SPTY2D1: variants seen among roughly 807,000 people sequenced by gnomAD.
SPTY2D1 encodes the protein SPT2 chromatin protein domain containing 1.
In SPTY2D1, 21 loss-of-function variants were observed where a neutral mutation model predicts 64.0. That is an observed-to-expected ratio of 0.33 (90% confidence interval 0.23 to 0.47). SPTY2D1 has a LOEUF of 0.47. Ranked by LOEUF, SPTY2D1 falls within the 20% of genes least tolerant of loss-of-function variation. The pLI is 1.00. For missense variants in SPTY2D1, 724 were observed against 837.2 expected (o/e 0.86, Z 1.67); for synonymous variants, 287 against 286.8 (o/e 1.00, Z -0.01).
At position 18,608,545 on chromosome 11, in the gene SPTY2D1, G is replaced by A. The variant is rs1468814616; in HGVS notation, c.*1316C>T. The A allele has an allele frequency of 1.3e-5, 2 of 152,118 alleles. No homozygotes were observed. Among genetic ancestry groups the A allele is most frequent in the Non-Finnish European group, 2.9e-5 (2 of 68,034 alleles). The allele number at this position is 152,118 out of a possible 1,614,324, so 9.4% of individuals were successfully genotyped here. A position where few individuals can be genotyped will look rare whatever the true frequency, so the allele number is the denominator to read the frequency against. ...CAAGCTTATGTCTCACTTCCCCTAAGCCTCTGTACTTACAGTCAAGGACAA... is the reference window on the plus strand; with the variant it reads ...CAAGCTTATGTCTCACTTCCCCTAAACCTCTGTACTTACAGTCAAGGACAA... On this transcript the variant is annotated 3_prime_UTR_variant, in exon 6 of 6. Coordinates refer to ENST00000336349, the MANE Select transcript of SPTY2D1 (RefSeq NM_194285.3).
intron 3 of SPTY2D1, among the ~76,000 whole-genome samples, chr11:18,613,795 T>TC (rs1330874196): frequency 6.6e-6 from 1 of 152,118 alleles, no homozygotes; most frequent in Non-Finnish European, 1.5e-5. Context: ...GGACAGCAGA[T>TC]TCCTGAAGGA....
intron 1 of SPTY2D1, among the ~76,000 whole-genome samples, chr11:18,629,956 G>A (rs1170868833): frequency 6.7e-6 from 1 of 148,788 alleles, no homozygotes; most frequent in African/African-American, 2.5e-5. Context: ...GGATCACAAG[G>A]TCAGGAGATC....
intron 1 of SPTY2D1, among the ~76,000 whole-genome samples, chr11:18,620,007 G>A (rs557468624): frequency 6.6e-6 from 1 of 152,142 alleles, no homozygotes; most frequent in Non-Finnish European, 1.5e-5. Flanking sequence ...AGTGGGATAT[G>A]ACAAACCGAA....
intron 1 of SPTY2D1, among the ~76,000 whole-genome samples, chr11:18,620,658 G>A (rs913767134): frequency 5.9e-5 from 9 of 151,954 alleles, no homozygotes; most frequent in South Asian, 2.1e-4. Flanking sequence ...AGGCCAAGGC[G>A]GGCGGATCAT....
chr11:18,626,385 C>G (rs893752441), intron 1 of SPTY2D1, among the ~76,000 whole-genome samples: 1 of 151,432 alleles, frequency 6.6e-6, no homozygotes, highest in Non-Finnish European at 1.5e-5. Context: ...CCATCAGACT[C>G]TACTGTATAC....
intron 1 of SPTY2D1, among the ~76,000 whole-genome samples, chr11:18,620,930 T>A (rs1473265125): frequency 1.3e-5 from 2 of 151,558 alleles, no homozygotes; most frequent in Admixed American, 1.3e-4. Flanking sequence ...ATATTTTATT[T>A]GTAAAAAAAT....
chr11:18,611,578 T>TA (rs765643608), intron 4 of SPTY2D1, 24 bp from the exon 5 acceptor site: 90 of 1,601,462 alleles, frequency 5.6e-5, no homozygotes, highest in Non-Finnish European at 7.7e-5. Flanking sequence ...ATCAAAATGA[T>TA]AAAAAGAGAA....
At chr11:18,618,636 T>A (rs2134112811) in intron 1 of SPTY2D1, among the ~76,000 whole-genome samples, 1 of 152,320 alleles carries the variant, frequency 6.6e-6, no homozygotes, top group African/African-American at 2.4e-5. Context: ...CCTGTTGCTG[T>A]GGCTAGCAGA....
At chr11:18,610,698 T>TAAAAAAAAAAAAAAAAAAAAAA (rs1854191793) in intron 5 of SPTY2D1, among the ~76,000 whole-genome samples, 1 of 136,672 alleles carries the variant, frequency 7.3e-6, no homozygotes, top group African/African-American at 2.7e-5. Flanking sequence ...ACAACAATAC[T>TAAAAAAAAAAAAAAAAAAAAAA]ATAAACAAAG....
At chr11:18,611,447 T>C (rs376107297) in intron 5 of SPTY2D1, 30 bp downstream of exon 5, 90 of 1,602,724 alleles carry the variant, frequency 5.6e-5, no homozygotes, top group African/African-American at 2.4e-4. Context: ...TAGGACATTT[T>C]TGCACAAGTA....
intron 1 of SPTY2D1, 138 bp from the exon 2 acceptor site, chr11:18,617,127 C>G: frequency 4.7e-6 from 3 of 644,142 alleles, no homozygotes; most frequent in Non-Finnish European, 7.8e-6. Flanking sequence ...GATCATATAA[C>G]CCATAATAAA....
intron 1 of SPTY2D1, among the ~76,000 whole-genome samples, chr11:18,617,974 A>C (rs1854329444): frequency 3.9e-5 from 6 of 152,194 alleles, no homozygotes; most frequent in Admixed American, 3.3e-4. Flanking sequence ...TAAGTAAGTA[A>C]GTAAATGTAT....
Position 18,608,289 on chromosome 11 carries a change from C to T in SPTY2D1, c.*1572G>A, listed in dbSNP as rs1014969207. ...TTTGAAACTCAATTCAAAATGAGTCCGTCTTAAAAGCCTGGCTCATATGGT... is the reference window on the plus strand; with the variant it reads ...TTTGAAACTCAATTCAAAATGAGTCTGTCTTAAAAGCCTGGCTCATATGGT... On this transcript the variant is annotated 3_prime_UTR_variant, in exon 6 of 6. Transcript: ENST00000336349. 5 of 152,430 alleles carry T rather than the reference C, an allele frequency of 3.3e-5. No individual in the cohort carries two copies. Among genetic ancestry groups the T allele is most frequent in the Non-Finnish European group, 5.9e-5 (4 of 68,002 alleles). The allele number at this position is 152,430 out of a possible 1,614,324, so 9.4% of individuals were successfully genotyped here. A position where few individuals can be genotyped will look rare whatever the true frequency, so the allele number is the denominator to read the frequency against.
intron 1 of SPTY2D1, among the ~76,000 whole-genome samples, chr11:18,632,894 A>G (rs1854611057): frequency 6.6e-6 from 1 of 152,228 alleles, no homozygotes; most frequent in Admixed American, 6.5e-5. Context: ...AATAAGATCT[A>G]GAATGAAATA....
chr11:18,616,092 T>G lies in SPTY2D1; in HGVS notation c.182A>C (p.Glu61Ala). 1.2e-6 allele frequency: 2 copies of G among 1,603,518 alleles called. No homozygotes were observed. The highest frequency in any genetic ancestry group is 1.7e-6 in the Non-Finnish European group (2 of 1,175,114). ...TAGTTCCTCTTTTCTCCTTTTCTCC[T>G]CTAAGGCTAAAAGGGACAAAACAAG... Reference protein sequence around the residue: ...KEEELRRKALEEKRRKEELVK... With the variant: ...KEEELRRKALAEKRRKEELVK... Residue 61 changes from glutamate to alanine, a missense_variant, in exon 3 of 6, where the codon GAG (glutamate) becomes GCG (alanine). Physicochemically the swap from Glu to Ala is moderately radical, Grantham distance 107. This residue lies in a region of SPTY2D1 where 179 missense variants were observed against 232.5 expected (regional missense o/e 0.77). Coordinates refer to ENST00000336349, the MANE Select transcript of SPTY2D1 (RefSeq NM_194285.3).
In SPTY2D1 at chr11:18,634,280, T is replaced by C. The variant is rs1237633328; in HGVS notation, c.-23A>G. 28 of 1,613,706 alleles carry C rather than the reference T, an allele frequency of 1.7e-5. No homozygotes were observed. Among genetic ancestry groups the C allele is most frequent in the Non-Finnish European group, 2.3e-5 (27 of 1,179,864 alleles). ...CATGTTGGGCCGAGGCGGGAGAGAC[T>C]GGGCCAGGCACTCGGAAAGGACTGA... On this transcript the variant is annotated 5_prime_UTR_variant, in exon 1 of 6. Transcript: ENST00000336349.
In SPTY2D1 at chr11:18,615,230, A is replaced by T; in HGVS notation, c.1044T>A (p.Pro348=). 6.2e-7 allele frequency: 1 copy of T among 1,614,250 alleles called. No individual in the cohort carries two copies. Residue 348 remains proline, a synonymous_variant, in exon 3 of 6, where the codon CCT becomes CCA. Coordinates refer to ENST00000336349, the MANE Select transcript of SPTY2D1 (RefSeq NM_194285.3). The part of the protein sequence containing the change: ...EHKAKKSLSH[P]SHSRPGPMVT... ...CCATGGGCCCAGGCCTGGAATGGCTAGGATGGGACAGAGATTTTTTGGCTT... is the reference window on the plus strand; with the variant it reads ...CCATGGGCCCAGGCCTGGAATGGCTTGGATGGGACAGAGATTTTTTGGCTT...
rs1361376594 is a variant in SPTY2D1, at chr11:18,608,223, A to G, written c.*1638T>C. On this transcript the variant is annotated 3_prime_UTR_variant, in exon 6 of 6. Transcript: ENST00000336349. ...ATTCCTAGTGATGATGACACCTTTC[A>G]TGGGATTCAACTTAAAAATTAAATC... 1.3e-5 allele frequency: 2 copies of G among 152,646 alleles called. No individual in the cohort carries two copies. The highest frequency in any genetic ancestry group is 3.8e-4 in the East Asian group (2 of 5,206). 9.5% of individuals were successfully genotyped at this position (152,646 alleles called of 1,614,324 possible).
At chr11:18,613,651 AAAAC>A (rs1294186880) in intron 3 of SPTY2D1, among the ~76,000 whole-genome samples, 1 of 152,210 alleles carries the variant, frequency 6.6e-6, no homozygotes, top group Non-Finnish European at 1.5e-5. Context: ...TAGGAAATTT[AAAAC>A]AAGTAATTCA....
Sources: gnomAD v4.1 joint callset for allele counts (sites outside exome capture counted in the v4.1 genomes callset) on GRCh38, gnomAD v4.1.1 for gene constraint, gnomAD v4.1.1 regional missense constraint, MANE v1.5 for transcripts, NCBI Gene and HGNC (gene_info 2026-07-23, HGNC 2026-07-21) for gene names.